The following SMIM12 variants were observed in gnomAD, a reference collection of about 807,000 sequenced individuals.
The protein encoded by SMIM12 is UPF0767 protein C1orf212.
In SMIM12, 5 loss-of-function variants were observed where a neutral mutation model predicts 6.3. The observed-to-expected ratio is 0.80, with a 90% CI of 0.42 to 1.68. The LOEUF is 1.68. Among genes scored for constraint, SMIM12 ranks in the 40% most tolerant of loss-of-function variants. The pLI, the probability that SMIM12 is intolerant of heterozygous loss-of-function variation, is 0.02. For synonymous variants in SMIM12, 51 were observed against 48.0 expected, an observed-to-expected ratio of 1.06 and a Z score of -0.26; for missense variants, 103 against 121.4, an observed-to-expected ratio of 0.85 and a Z score of 0.71.
In SMIM12 at chr1:34,855,132, A is replaced by C. The variant is rs1436088576; in HGVS notation, c.*567T>G. On this transcript the variant is annotated 3_prime_UTR_variant, in exon 2 of 2. Coordinates refer to ENST00000521580, the MANE Select transcript of SMIM12 (RefSeq NM_138428.6). ...GTGACTGTTTTCAAGCAAATTCACG[A>C]GGCACATGTTCGTCCCTGCCCCAAA... 1 of 1,345,964 alleles carries C rather than the reference A, an allele frequency of 7.4e-7. No homozygotes were observed. The allele number at this position is 1,345,964 out of a possible 1,614,324, so 83.4% of individuals were successfully genotyped here. A position where few individuals can be genotyped will look rare whatever the true frequency, so the allele number is the denominator to read the frequency against.
At position 34,855,700 on chromosome 1, in the gene SMIM12, T is replaced by C; in HGVS notation, c.278A>G (p.Ter93=). The change falls in exon 2 of 2, where the codon TAA becomes TGA. Residue 93 remains the stop codon, a stop_retained_variant. Transcript: ENST00000521580. ...GACCATAGGGCCCTGTGTCCTCCAT[T>C]AATTCTTCTCTGGGCGGTTTCTGTT... is the stretch of plus-strand genomic sequence containing the variant. The part of the protein sequence containing the change: ...VLNRNRPEKN[*] 4.3e-6 allele frequency: 7 copies of C among 1,613,134 alleles called. No homozygotes were observed. Among genetic ancestry groups the C allele is most frequent in the Non-Finnish European group, 5.9e-6 (7 of 1,179,124 alleles).
In SMIM12 at chr1:34,855,430, C is replaced by T. The variant is rs368331283; in HGVS notation, c.*269G>A. 1 of 1,555,754 alleles carries T rather than the reference C, an allele frequency of 6.4e-7. No homozygotes were observed. The highest frequency in any genetic ancestry group is 1.4e-5 in the African/African-American group (1 of 73,802). ...TTGACAGCCAATGTTCATCTCATAA[C>T]TCTCCTCCCAGCAGTGCACCAGTAA... On this transcript the variant is annotated 3_prime_UTR_variant, in exon 2 of 2. Coordinates refer to ENST00000521580, the MANE Select transcript of SMIM12 (RefSeq NM_138428.6).
At position 34,855,932 on chromosome 1, in the gene SMIM12, C is replaced by T; in HGVS notation, c.46G>A (p.Val16Ile). 1 of 1,551,598 alleles carries T rather than the reference C, an allele frequency of 6.4e-7. No homozygotes were observed. Among genetic ancestry groups the T allele is most frequent in the Non-Finnish European group, 8.7e-7 (1 of 1,146,936 alleles). ...ACCACGAAGGCAACAGGGAATGTGACATAAGGAGCATAGGTACGAACCACG... is the reference window on the plus strand; with the variant it reads ...ACCACGAAGGCAACAGGGAATGTGATATAAGGAGCATAGGTACGAACCACG... Reference protein sequence around the residue: ...WTVVRTYAPYVTFPVAFVVGA... With the variant: ...WTVVRTYAPYITFPVAFVVGA... The change falls in exon 2 of 2, where the codon GTC becomes ATC. Residue 16 changes from valine (V) to isoleucine (I), a missense_variant. Physicochemically the swap from Val to Ile is conservative, Grantham distance 29. Coordinates refer to ENST00000521580, the MANE Select transcript of SMIM12 (RefSeq NM_138428.6).
Position 34,854,763 on chromosome 1 carries a change from TC to T in SMIM12, c.*935del, listed in dbSNP as rs1351898483. ...CCTTTTTAAAATCCCTACCAAATTT[TC>T]TTGAATGTGCGTATATACTTTTATA... On this transcript the variant is annotated 3_prime_UTR_variant, in exon 2 of 2. Coordinates refer to ENST00000521580, the MANE Select transcript of SMIM12 (RefSeq NM_138428.6). 1 of 155,330 alleles carries T rather than the reference TC, an allele frequency of 6.4e-6. No individual in the cohort carries two copies. The highest frequency in any genetic ancestry group is 1.9e-4 in the East Asian group (1 of 5,232). The allele number at this position is 155,330 out of a possible 1,614,324, so 9.6% of individuals were successfully genotyped here. A position where few individuals can be genotyped will look rare whatever the true frequency, so the allele number is the denominator to read the frequency against.
rs2025003 is a variant in SMIM12, at chr1:34,851,787, T to C, written c.*3912A>G. Among the ~76,000 whole-genome samples, 20,637 of 152,204 alleles carry C rather than the reference T, an allele frequency of 0.14. 1,505 individuals carry two copies. Among genetic ancestry groups the C allele is most frequent in the Middle Eastern group, 0.21 (62 of 292 alleles). ...CCCTATACTAAAGCCACCACCATCA[T>C]TGGGCTGGGAAGAGACGGGGGTAAG... On this transcript the variant is annotated 3_prime_UTR_variant, in exon 2 of 2. Transcript: ENST00000521580.
chr1:34,853,492 A>G lies in SMIM12; in HGVS notation c.*2207T>C, dbSNP rs1309185871. On this transcript the variant is annotated 3_prime_UTR_variant, in exon 2 of 2. Transcript: ENST00000521580. ...ATGCATGAGATCCTCAAAACTGCTC[A>G]TTTATCCCATTTCATCCAAAATGAC... is the stretch of plus-strand genomic sequence containing the variant. The G allele has an allele frequency of 6.6e-6, 1 of 152,200 alleles. No individual in the cohort carries two copies. Among genetic ancestry groups the G allele is most frequent in the Non-Finnish European group, 1.5e-5 (1 of 68,026 alleles). The allele number at this position is 152,200 out of a possible 1,614,324, so 9.4% of individuals were successfully genotyped here.
At position 34,851,395 on chromosome 1, in the gene SMIM12, A is replaced by C. The variant is rs1640926626; in HGVS notation, c.*4304T>G. 1 of 152,178 alleles carries C rather than the reference A, an allele frequency of 6.6e-6. No homozygotes were observed. The highest frequency in any genetic ancestry group is 1.5e-5 in the Non-Finnish European group (1 of 68,048). The allele number at this position is 152,178 out of a possible 1,614,324, so 9.4% of individuals were successfully genotyped here. A position where few individuals can be genotyped will look rare whatever the true frequency, so the allele number is the denominator to read the frequency against. On this transcript the variant is annotated 3_prime_UTR_variant, in exon 2 of 2. Coordinates refer to ENST00000521580, the MANE Select transcript of SMIM12 (RefSeq NM_138428.6). ...TCGAGCCTGTCAGACTCTAGAATCCACTTTATTTTTCCTCTGCTACACTGC... is the reference window on the plus strand; with the variant it reads ...TCGAGCCTGTCAGACTCTAGAATCCCCTTTATTTTTCCTCTGCTACACTGC...
At position 34,855,821 on chromosome 1, in the gene SMIM12, G is replaced by A. The variant is rs1274290189; in HGVS notation, c.157C>T (p.Arg53Trp). ...VEEEKSISER[R>W]EDRKLDELLG... The stretch of plus-strand genomic sequence containing the variant: ...AGCTCATCCAGCTTGCGATCCTCCC[G>A]GCGCTCTGAGATGCTCTTTTCCTCC... The change falls in exon 2 of 2, where the codon CGG becomes TGG. Residue 53 changes from arginine (R) to tryptophan (W), a missense_variant. Arg to Trp is a moderately radical substitution (Grantham distance 101, BLOSUM62 -3). Transcript: ENST00000521580. The A allele has an allele frequency of 9.7e-6, 15 of 1,552,212 alleles. No homozygotes were observed. The highest frequency in any genetic ancestry group is 2.4e-5 in the East Asian group (1 of 40,926).
rs1182595916 is a variant in SMIM12, at chr1:34,851,232, C to T, written c.*4467G>A. 2.6e-5 allele frequency: 4 copies of T among 152,126 alleles called. No individual in the cohort carries two copies. In the South Asian group the frequency reaches 6.2e-4, roughly 24 times the overall value. 9.4% of individuals were successfully genotyped at this position (152,126 alleles called of 1,614,324 possible). A position where few individuals can be genotyped will look rare whatever the true frequency, so the allele number is the denominator to read the frequency against. ...GTTCTTAGCGTACTATGCTAAGAAC[C>T]TTACATAATTACCTCATCCTCACAA... is the stretch of plus-strand genomic sequence containing the variant. On this transcript the variant is annotated 3_prime_UTR_variant, in exon 2 of 2. Transcript: ENST00000521580.
intron 1 of SMIM12, among the ~76,000 whole-genome samples, chr1:34,857,016 C>T (rs964160724): frequency 6.6e-6 from 1 of 151,908 alleles, no homozygotes; most frequent in Non-Finnish European, 1.5e-5. Flanking sequence ...ATCACTTGAA[C>T]CTGGGAGGCG....
Position 34,858,773 on chromosome 1 carries a change from A to G in SMIM12, c.-6+904T>C, listed in dbSNP as rs1571615415. ...CTCACATTCTAATCATTCCCAAATA[A>G]GTCAATTCATTCCTTTATTCGACAC... On this transcript the variant is annotated intron_variant, in intron 1 of 1. Transcript: ENST00000521580. 3 of 152,220 alleles carry G rather than the reference A, an allele frequency of 2.0e-5. No individual in the cohort carries two copies. The East Asian group carries it at 5.8e-4, about 29-fold the overall frequency. 9.4% of individuals were successfully genotyped at this position (152,220 alleles called of 1,614,324 possible).
Position 34,851,871 on chromosome 1 carries a change from T to C in SMIM12, c.*3828A>G, listed in dbSNP as rs2025005. On this transcript the variant is annotated 3_prime_UTR_variant, in exon 2 of 2. Transcript: ENST00000521580. ...CTCATGTGTTTCAGTGAACTGTGAC[T>C]GGAAGGCCAGTCAAAAAGAGGGTCA... 0.48 allele frequency among the ~76,000 whole-genome samples: 73,149 copies of C among 152,052 alleles called. 18,870 individuals are homozygous for C. Among genetic ancestry groups the C allele is most frequent in the Non-Finnish European group, 0.6 (40,649 of 67,976 alleles).
Position 34,853,075 on chromosome 1 carries a change from TAGA to T in SMIM12, c.*2621_*2623del, listed in dbSNP as rs1212449394. ...ATTCCCACTAGGCCTCAGGGAGCCTTAGAAGAAGCCAACGACTCAACCTGCTCC... is the reference window on the plus strand; with the variant it reads ...ATTCCCACTAGGCCTCAGGGAGCCTTAGAAGCCAACGACTCAACCTGCTCC... On this transcript the variant is annotated 3_prime_UTR_variant, in exon 2 of 2. Coordinates refer to ENST00000521580, the MANE Select transcript of SMIM12 (RefSeq NM_138428.6). The T allele has an allele frequency of 6.6e-6, 1 of 152,320 alleles. No individual in the cohort carries two copies. Among genetic ancestry groups the T allele is most frequent in the East Asian group, 1.9e-4 (1 of 5,194 alleles). 9.4% of individuals were successfully genotyped at this position (152,320 alleles called of 1,614,324 possible). A position where few individuals can be genotyped will look rare whatever the true frequency, so the allele number is the denominator to read the frequency against.
In SMIM12 at chr1:34,855,077, T is replaced by C. The variant is rs773611537; in HGVS notation, c.*622A>G. 1.9e-5 allele frequency: 24 copies of C among 1,281,762 alleles called. No individual in the cohort carries two copies. The highest frequency in any genetic ancestry group is 2.2e-5 in the Non-Finnish European group (22 of 981,686). The allele number at this position is 1,281,762 out of a possible 1,614,324, so 79.4% of individuals were successfully genotyped here. ...CTCAGATACCACTTTAATCAGGTTTTTCACTATACAGTGATGGGGGTAGAA... is the reference window on the plus strand; with the variant it reads ...CTCAGATACCACTTTAATCAGGTTTCTCACTATACAGTGATGGGGGTAGAA... On this transcript the variant is annotated 3_prime_UTR_variant, in exon 2 of 2. Coordinates refer to ENST00000521580, the MANE Select transcript of SMIM12 (RefSeq NM_138428.6).
In SMIM12 at chr1:34,855,264, G is replaced by C. The variant is rs772566072; in HGVS notation, c.*435C>G. The C allele has an allele frequency of 8.7e-6, 12 of 1,372,274 alleles. No homozygotes were observed. The highest frequency in any genetic ancestry group is 1.2e-5 in the Non-Finnish European group (12 of 1,025,122). The allele number at this position is 1,372,274 out of a possible 1,614,324, so 85.0% of individuals were successfully genotyped here. On this transcript the variant is annotated 3_prime_UTR_variant, in exon 2 of 2. Coordinates refer to ENST00000521580, the MANE Select transcript of SMIM12 (RefSeq NM_138428.6). ...CAGTAAGAATGAGCACAAAGGATAG[G>C]GCAAAATAGTGAAGGGAGCCAGGTG...
rs1330301600 is a variant in SMIM12 at position 34,850,827 on chromosome 1, A to G, written c.*4872T>C. On this transcript the variant is annotated 3_prime_UTR_variant, in exon 2 of 2. Coordinates refer to ENST00000521580, the MANE Select transcript of SMIM12 (RefSeq NM_138428.6). ...TCTCCTGATCTGTGACCTCCTGGGC[A>G]TTCTGGCCAATCTGCTTCCCTCTGA... 1.3e-5 allele frequency: 2 copies of G among 152,248 alleles called. No homozygotes were observed. The highest frequency in any genetic ancestry group is 2.9e-5 in the Non-Finnish European group (2 of 68,072). 9.4% of individuals were successfully genotyped at this position (152,248 alleles called of 1,614,324 possible).
Position 34,858,817 on chromosome 1 carries a change from T to C in SMIM12, c.-6+860A>G, listed in dbSNP as rs545340030. The C allele has an allele frequency of 5.3e-5, 8 of 152,354 alleles. No individual in the cohort carries two copies. In the East Asian group the frequency reaches 1.5e-3, roughly 29 times the overall value. The allele number at this position is 152,354 out of a possible 1,614,324, so 9.4% of individuals were successfully genotyped here. A position where few individuals can be genotyped will look rare whatever the true frequency, so the allele number is the denominator to read the frequency against. On this transcript the variant is annotated intron_variant, in intron 1 of 1. Transcript: ENST00000521580. ...TCGACACTTATAACCACTTACTCTG[T>C]GTCAGGCACGATGCTGGCTTACCCT...
chr1:34,855,503 T>C lies in SMIM12; in HGVS notation c.*196A>G, dbSNP rs1468163886. The C allele has an allele frequency of 6.2e-7, 1 of 1,608,356 alleles. No homozygotes were observed. Among genetic ancestry groups the C allele is most frequent in the Non-Finnish European group, 8.5e-7 (1 of 1,176,884 alleles). On this transcript the variant is annotated 3_prime_UTR_variant, in exon 2 of 2. Coordinates refer to ENST00000521580, the MANE Select transcript of SMIM12 (RefSeq NM_138428.6). ...GGCCACCACACAACAGATGCGGCCT[T>C]CCTCTTCACTGGCCCCTCGGCTGCT... is the stretch of plus-strand genomic sequence containing the variant.
Position 34,855,370 on chromosome 1 carries a change from T to G in SMIM12, c.*329A>C. 6.9e-7 allele frequency: 1 copy of G among 1,457,460 alleles called. No homozygotes were observed. Among genetic ancestry groups the G allele is most frequent in the Non-Finnish European group, 9.3e-7 (1 of 1,080,358 alleles). The allele number at this position is 1,457,460 out of a possible 1,614,324, so 90.3% of individuals were successfully genotyped here. A position where few individuals can be genotyped will look rare whatever the true frequency, so the allele number is the denominator to read the frequency against. ...AAAGGCAACGCCCAAATCCCAGCCA[T>G]TCCCACTAGAGGCCAAACCGCCTGC... On this transcript the variant is annotated 3_prime_UTR_variant, in exon 2 of 2. Coordinates refer to ENST00000521580, the MANE Select transcript of SMIM12 (RefSeq NM_138428.6).
Sources: allele counts gnomAD v4.1 joint callset (sites outside exome capture counted in the v4.1 genomes callset), GRCh38; gene constraint gnomAD v4.1.1; transcripts MANE v1.5; gene names NCBI Gene and HGNC (gene_info 2026-07-23, HGNC 2026-07-21).